Variants in MYBBP1A observed in about 807,000 individuals in gnomAD.
MYBBP1A encodes the protein myb-binding protein 1A.
Under a neutral mutation model 136.3 loss-of-function variants are expected in MYBBP1A, and 147 were observed. The ratio of observed to expected loss-of-function variants is 1.08; its 90% CI spans 0.94 to 1.24. The LOEUF (loss-of-function observed/expected upper bound fraction) is 1.24, where lower values mean the gene tolerates loss of function less well. MYBBP1A is among the 50% of genes most tolerant of loss of function. MYBBP1A has a pLI of 0.00. For missense variants in MYBBP1A, 2,060 were observed against 1,727.4 expected (o/e 1.19, Z -3.41); for synonymous variants, 947 against 735.8 (o/e 1.29, Z -4.65).
rs1198351796 is a variant in MYBBP1A at position 4,543,003 on chromosome 17, C to G, written c.2802G>C (p.Leu934Phe). 6.2e-7 allele frequency: 1 copy of G among 1,613,928 alleles called. No homozygotes were observed. The highest frequency in any genetic ancestry group is 8.5e-7 in the Non-Finnish European group (1 of 1,180,006). ...CGCAGCCCTCAGCAGTGTTGCCCTT[C>G]AAGACCCGGAGCAGGTAGAGAGAGG... is the stretch of plus-strand genomic sequence containing the variant. ...FNASLYLLRV[L>F]KGNTAEGCVH... The change falls in exon 20 of 26, where the codon TTG becomes TTC. Residue 934 changes from leucine to phenylalanine, a missense_variant. By Grantham distance (22) the Leu-to-Phe change is conservative. Transcript: ENST00000254718.
chr17:4,552,769 G>A lies in MYBBP1A; in HGVS notation c.562-143C>T, dbSNP rs764445173. 11 of 758,316 alleles carry A rather than the reference G, an allele frequency of 1.5e-5. No individual in the cohort carries two copies. The highest frequency in any genetic ancestry group is 2.3e-5 in the Non-Finnish European group (11 of 485,894). The allele number at this position is 758,316 out of a possible 1,614,324, so 47.0% of individuals were successfully genotyped here. A position where few individuals can be genotyped will look rare whatever the true frequency, so the allele number is the denominator to read the frequency against. ...GTTGCTAACAAAACTCAAATTCCCA[G>A]GCAGCGGGGTTTTTGACAAGCATCC... On this transcript the variant is annotated intron_variant, in intron 5 of 25. Transcript: ENST00000254718. The surrounding 1 kb of genome is among the most constrained non-coding windows in gnomAD (Gnocchi z 4.7).
In MYBBP1A at chr17:4,550,247, A is replaced by G; in HGVS notation, c.1130T>C (p.Phe377Ser). The change falls in exon 9 of 26, where the codon TTC (phenylalanine) becomes TCC (serine). Residue 377 changes from phenylalanine (F) to serine (S), a missense_variant. By Grantham distance (155) the Phe-to-Ser change is radical. Transcript: ENST00000254718. ...GAGGCCTTGGTTGGTGACAGATGAGAAGGCCACTAGCACGGCCAGCTGCCG... is the reference window on the plus strand; with the variant it reads ...GAGGCCTTGGTTGGTGACAGATGAGGAGGCCACTAGCACGGCCAGCTGCCG... ...PERQLAVLVA[F>S]SSVTNQGLPV... The G allele has an allele frequency of 6.2e-7, 1 of 1,613,646 alleles. No individual in the cohort carries two copies. The highest frequency in any genetic ancestry group is 1.1e-5 in the South Asian group (1 of 91,090).
At position 4,541,905 on chromosome 17, in the gene MYBBP1A, A is replaced by G. The variant is rs1906473099; in HGVS notation, c.3088-14T>C. 1 of 1,608,894 alleles carries G rather than the reference A, an allele frequency of 6.2e-7. No individual in the cohort carries two copies. The highest frequency in any genetic ancestry group is 1.1e-5 in the South Asian group (1 of 90,926). ...CAGCAGGCAGGCCTGTGGGTGGGCA[A>G]AGGTGGGTGGCAGGAGCCTTGGCAC... is the stretch of plus-strand genomic sequence containing the variant. On this transcript the variant is annotated splice_polypyrimidine_tract_variant and intron_variant, in intron 22 of 25. Coordinates refer to ENST00000254718, the MANE Select transcript of MYBBP1A (RefSeq NM_014520.4).
intron 2 of MYBBP1A, 81 bp from the exon 3 acceptor site, chr17:4,554,359 CCCCTTCAACTTCT>C: frequency 8.1e-7 from 1 of 1,237,510 alleles, no homozygotes; most frequent in African/African-American, 1.5e-5. Context: ...ACCTCCCTTC[CCCCTTCAACTTCT>C]CCCAAGAAGC....
chr17:4,549,396 A>G lies in MYBBP1A; in HGVS notation c.1366T>C (p.Leu456=), dbSNP rs769268663. Reference sequence around the variant, plus strand: ...TGCAGGCTGTCCACAATGCTCACCAATCGAAAGATGATCCATTTCCTCAGC... The same window carrying G: ...TGCAGGCTGTCCACAATGCTCACCAGTCGAAAGATGATCCATTTCCTCAGC... ...FRLRKWIIFR[L]VSIVDSLHLE... The change falls in exon 10 of 26, where the codon TTG becomes CTG. Residue 456 remains leucine, a synonymous_variant. Coordinates refer to ENST00000254718, the MANE Select transcript of MYBBP1A (RefSeq NM_014520.4). The G allele has an allele frequency of 2.8e-5, 45 of 1,613,214 alleles. 1 individual carries two copies. In the South Asian group the frequency reaches 3.3e-4, roughly 12 times the overall value.
At chr17:4,541,186 C>T (rs557227223) in intron 24 of MYBBP1A, among the ~76,000 whole-genome samples, 8 of 152,374 alleles carry the variant, frequency 5.3e-5, no homozygotes, top group South Asian at 2.1e-4. Context: ...AGCCCCTTCT[C>T]GGCTTTCTCA....
chr17:4,543,550 A>G (rs762826846), intron 19 of MYBBP1A, among the ~76,000 whole-genome samples: 11 of 152,158 alleles, frequency 7.2e-5, no homozygotes, highest in South Asian at 4.1e-4. Flanking sequence ...GGCCGGGGAT[A>G]TAATGGGGGC....
At chr17:4,555,105 G>A (rs1478643031) in intron 1 of MYBBP1A, 22 bp downstream of exon 1, 4 of 1,566,034 alleles carry the variant, frequency 2.6e-6, no homozygotes, top group African/African-American at 1.4e-5. Flanking sequence ...CGCAGCCTCT[G>A]CCCCAGACCC....
rs574284698 is a variant in MYBBP1A, at chr17:4,541,551, A to G, written c.3209T>C (p.Leu1070Pro). ...CTGCGCCTTGGTCTGCGCCTCCCCC[A>G]GCACGCGCAAGTTCTAGGGAAGGGT... ...LAKVTENLRVLGEAQTKAQHQ... is the reference protein window; with the variant it reads ...LAKVTENLRVPGEAQTKAQHQ... Residue 1070 changes from leucine (L) to proline (P), a missense_variant, in exon 24 of 26, where the codon CTG becomes CCG. Transcript: ENST00000254718. 3 of 1,612,486 alleles carry G rather than the reference A, an allele frequency of 1.9e-6. No individual in the cohort carries two copies. Among genetic ancestry groups the G allele is most frequent in the East Asian group, 2.2e-5 (1 of 44,878 alleles).
chr17:4,549,850 G>A (rs116310088), intron 9 of MYBBP1A, among the ~76,000 whole-genome samples: 18 of 148,210 alleles, frequency 1.2e-4, no homozygotes, highest in African/African-American at 3.5e-4. Flanking sequence ...TGATCTCAGA[G>A]ACAACACTCC....
In MYBBP1A at chr17:4,554,084, T is replaced by C. The variant is rs138598922; in HGVS notation, c.388A>G (p.Arg130Gly). ...AACAGGTTTGCAAAGAGAGCAGGTC[T>C]CAGCATTGCCTAGAAAAGGATTCCA... ...DLHQVKKAML[R>G]PALFANLFGV... Residue 130 changes from arginine (R) to glycine (G), a missense_variant, in exon 4 of 26, where the codon AGA becomes GGA. By Grantham distance (125) the Arg-to-Gly change is moderately radical. Coordinates refer to ENST00000254718, the MANE Select transcript of MYBBP1A (RefSeq NM_014520.4). The C allele has an allele frequency of 1.2e-5, 20 of 1,613,924 alleles. No individual in the cohort carries two copies. Among genetic ancestry groups the C allele is most frequent in the Non-Finnish European group, 1.4e-5 (17 of 1,180,040 alleles).
chr17:4,543,963 G>A (rs899439), intron 19 of MYBBP1A, among the ~76,000 whole-genome samples: 34,537 of 151,016 alleles, frequency 0.23, 5,305 homozygotes, highest in East Asian at 0.77. Context: ...GCGAGGGTGC[G>A]GGGGTCTGTG....
intron 19 of MYBBP1A, 132 bp from the exon 20 acceptor site, chr17:4,543,297 C>A (rs1449661988): frequency 7.7e-7 from 1 of 1,294,650 alleles, no homozygotes; most frequent in East Asian, 2.5e-5. Flanking sequence ...ACCCAGGCCA[C>A]AGAGGAGGGC....
intron 25 of MYBBP1A, 94 bp downstream of exon 25, chr17:4,540,254 T>G (rs924571477): frequency 1.3e-5 from 19 of 1,458,104 alleles, no homozygotes; most frequent in Non-Finnish European, 1.7e-5. Flanking sequence ...AGTGTGCGTG[T>G]GCAGCAGCGT....
chr17:4,543,217 TC>T, intron 19 of MYBBP1A, 52 bp from the exon 20 acceptor site: 1 of 1,535,758 alleles, frequency 6.5e-7, no homozygotes, highest in Non-Finnish European at 8.7e-7. Flanking sequence ...TCCACCCTGC[TC>T]CGCCAAGCAG....
Position 4,539,070 on chromosome 17 carries a change from G to T in MYBBP1A, c.*345C>A, listed in dbSNP as rs1906076155. 9 of 1,330,276 alleles carry T rather than the reference G, an allele frequency of 6.8e-6. No homozygotes were observed. Among genetic ancestry groups the T allele is most frequent in the Non-Finnish European group, 9.7e-6 (9 of 930,868 alleles). The allele number at this position is 1,330,276 out of a possible 1,614,324, so 82.4% of individuals were successfully genotyped here. On this transcript the variant is annotated 3_prime_UTR_variant, in exon 26 of 26. Coordinates refer to ENST00000254718, the MANE Select transcript of MYBBP1A (RefSeq NM_014520.4). ...GGCTCCCTCACAGCAAAAAAGCCTG[G>T]GGGCAAAGAGGTGGCAGGCACGAGA... is the stretch of plus-strand genomic sequence containing the variant.
Position 4,552,837 on chromosome 17 carries a change from C to CTTTTT in MYBBP1A, c.562-212_562-211insAAAAA, listed in dbSNP as rs1365759237. On this transcript the variant is annotated intron_variant, in intron 5 of 25. Coordinates refer to ENST00000254718, the MANE Select transcript of MYBBP1A (RefSeq NM_014520.4). This position sits in a 1 kb window ranked among gnomAD's most constrained non-coding sequence, Gnocchi z 4.7. Reference sequence around the variant, plus strand: ...CCCTGGAGGTACCTGCCCCCCACCCCTTATTTTTTTTTTTTAAGACAGAGT... The same window carrying CTTTTT: ...CCCTGGAGGTACCTGCCCCCCACCCCTTTTTTTATTTTTTTTTTTTAAGACAGAGT... Among the ~76,000 whole-genome samples, 9 of 43,576 alleles carry CTTTTT rather than the reference C, an allele frequency of 2.1e-4. No individual in the cohort carries two copies. Among genetic ancestry groups the CTTTTT allele is most frequent in the African/African-American group, 4.5e-4 (9 of 20,164 alleles). The allele number at this position is 43,576 out of a possible 152,430, so 28.6% of individuals were successfully genotyped here. A position where few individuals can be genotyped will look rare whatever the true frequency, so the allele number is the denominator to read the frequency against.
In MYBBP1A at chr17:4,544,879, C is replaced by A; in HGVS notation, c.2353G>T (p.Ala785Ser). 3.1e-6 allele frequency: 5 copies of A among 1,607,576 alleles called. No individual in the cohort carries two copies. The highest frequency in any genetic ancestry group is 4.2e-6 in the Non-Finnish European group (5 of 1,177,072). Residue 785 changes from alanine to serine, a missense_variant, in exon 18 of 26, where the codon GCC (alanine) becomes TCC (serine). Physicochemically the swap from Ala to Ser is moderately conservative, Grantham distance 99. Transcript: ENST00000254718. ...AGGCTCTGGTCCAGGGCCATCATGG[C>A]CTCATCCCCCAGCTCCTCCTCGTTC... is the stretch of plus-strand genomic sequence containing the variant. ...SENEEELGDE[A>S]MMALDQSLAS...
Position 4,539,058 on chromosome 17 carries a change from C to CA in MYBBP1A, c.*356dup. The CA allele has an allele frequency of 1.6e-6, 2 of 1,216,092 alleles. No homozygotes were observed. The highest frequency in any genetic ancestry group is 2.3e-5 in the East Asian group (1 of 43,032). The allele number at this position is 1,216,092 out of a possible 1,614,324, so 75.3% of individuals were successfully genotyped here. A position where few individuals can be genotyped will look rare whatever the true frequency, so the allele number is the denominator to read the frequency against. ...TCACCCCCTGGTGGCTCCCTCACAG[C>CA]AAAAAAGCCTGGGGGCAAAGAGGTG... On this transcript the variant is annotated 3_prime_UTR_variant, in exon 26 of 26. Coordinates refer to ENST00000254718, the MANE Select transcript of MYBBP1A (RefSeq NM_014520.4).
Sources: gnomAD v4.1 joint callset for allele counts (sites outside exome capture counted in the v4.1 genomes callset) on GRCh38, gnomAD v4.1.1 for gene constraint, Gnocchi (gnomAD v3.1) non-coding constraint, MANE v1.5 for transcripts, NCBI Gene and HGNC (gene_info 2026-07-23, HGNC 2026-07-21) for gene names.